The following GRIN2B variants were observed in gnomAD, a reference collection of about 807,000 sequenced individuals.
GRIN2B encodes glutamate receptor ionotropic, NMDA 2B.
Under a neutral mutation model 114.5 loss-of-function variants are expected in GRIN2B, and 5 were observed. The ratio of observed to expected loss-of-function variants is 0.04; its 90% CI spans 0.02 to 0.09. The LOEUF is 0.09. GRIN2B is among the 10% of genes least tolerant of loss of function. The pLI, the probability that GRIN2B is intolerant of heterozygous loss-of-function variation, is 1.00. For synonymous variants in GRIN2B, 787 were observed against 745.1 expected (o/e 1.06, Z -0.92); for missense variants, 1,108 against 1,943.5 (o/e 0.57, Z 8.08).
intron 4 of GRIN2B, among the ~76,000 whole-genome samples, chr12:13,704,120 A>T (rs1950337594): frequency 6.6e-6 from 1 of 152,228 alleles, no homozygotes; most frequent in Non-Finnish European, 1.5e-5. Flanking sequence ...TGAGGCTGGC[A>T]TCTCCAGTTA....
At chr12:13,937,648 ACAAGAAGAAATAAGAT>A (rs1268772868) in intron 2 of GRIN2B, among the ~76,000 whole-genome samples, 2 of 152,198 alleles carry the variant, frequency 1.3e-5, no homozygotes, top group Non-Finnish European at 2.9e-5. Flanking sequence ...ACCCAGATCT[ACAAGAAGAAATAAGAT>A]GTACTGAAAA....
At chr12:13,565,279 G>A (rs1187264125) in intron 13 of GRIN2B, among the ~76,000 whole-genome samples, 1 of 152,066 alleles carries the variant, frequency 6.6e-6, no homozygotes, top group Non-Finnish European at 1.5e-5. Flanking sequence ...GGTCAAAGAA[G>A]GATTTTTCTC....
At chr12:13,783,166 T>C (rs2136657050) in intron 3 of GRIN2B, among the ~76,000 whole-genome samples, 1 of 152,310 alleles carries the variant, frequency 6.6e-6, no homozygotes. Context: ...ACTCAATGTC[T>C]TTACTGAAAA....
At position 13,616,448 on chromosome 12, in the gene GRIN2B, G is replaced by T; in HGVS notation, c.1328+7C>A. On this transcript the variant is annotated splice_region_variant and intron_variant, in intron 6 of 13. Coordinates refer to ENST00000609686, the MANE Select transcript of GRIN2B (RefSeq NM_000834.5). ...TGCCACCCAAAGTCATTGAGAGGAT[G>T]CCATACTCAGTGACTATGCGTTTTT... The T allele has an allele frequency of 6.3e-7, 1 of 1,599,426 alleles. No individual in the cohort carries two copies. Among genetic ancestry groups the T allele is most frequent in the Non-Finnish European group, 8.6e-7 (1 of 1,167,446 alleles).
At chr12:13,833,177 G>C (rs1354798844) in intron 3 of GRIN2B, among the ~76,000 whole-genome samples, 1 of 152,186 alleles carries the variant, frequency 6.6e-6, no homozygotes, top group African/African-American at 2.4e-5. Flanking sequence ...ACTGAAAGTA[G>C]ACAGAGGATG....
intron 3 of GRIN2B, among the ~76,000 whole-genome samples, chr12:13,779,878 C>T (rs1864075301): frequency 6.6e-6 from 1 of 152,168 alleles, no homozygotes; most frequent in Admixed American, 6.5e-5. Flanking sequence ...GAACACACGT[C>T]GCAAGAGTCT....
chr12:13,595,225 T>C (rs1297842886), intron 10 of GRIN2B, among the ~76,000 whole-genome samples: 1 of 152,196 alleles, frequency 6.6e-6, no homozygotes, highest in Non-Finnish European at 1.5e-5. Context: ...CAGGTCTTTT[T>C]CAAACTAATC....
chr12:13,615,394 A>T lies in GRIN2B; in HGVS notation c.1500+99T>A. 7.0e-7 allele frequency: 1 copy of T among 1,420,526 alleles called. No homozygotes were observed. Among genetic ancestry groups the T allele is most frequent in the Non-Finnish European group, 1.0e-6 (1 of 1,003,786 alleles). The allele number at this position is 1,420,526 out of a possible 1,614,324, so 88.0% of individuals were successfully genotyped here. ...CAATACATCTTATTTGCCATTTTATATTTTCTGAAATGCATAAAGTGAGCA... is the reference window on the plus strand; with the variant it reads ...CAATACATCTTATTTGCCATTTTATTTTTTCTGAAATGCATAAAGTGAGCA... On this transcript the variant is annotated intron_variant, in intron 7 of 13. Coordinates refer to ENST00000609686, the MANE Select transcript of GRIN2B (RefSeq NM_000834.5). The surrounding 1 kb of genome is among the most constrained non-coding windows in gnomAD (Gnocchi z 5.8).
chr12:13,743,456 T>C (rs961685055), intron 4 of GRIN2B, among the ~76,000 whole-genome samples: 2 of 151,964 alleles, frequency 1.3e-5, no homozygotes, highest in Admixed American at 1.3e-4. Context: ...TGCACACACA[T>C]ACACACACAC....
chr12:13,644,338 C>T (rs1462631174), intron 5 of GRIN2B, among the ~76,000 whole-genome samples: 1 of 152,054 alleles, frequency 6.6e-6, no homozygotes, highest in African/African-American at 2.4e-5. Context: ...AAGGAATCTC[C>T]TTTTTTGAAC....
chr12:13,682,212 A>T (rs945910691), intron 4 of GRIN2B, among the ~76,000 whole-genome samples: 1 of 152,212 alleles, frequency 6.6e-6, no homozygotes, highest in Non-Finnish European at 1.5e-5. Flanking sequence ...GATTATTACA[A>T]TCTGGTCAAC....
intron 3 of GRIN2B, among the ~76,000 whole-genome samples, chr12:13,766,870 T>C (rs1863800355): frequency 6.6e-6 from 1 of 152,196 alleles, no homozygotes; most frequent in Non-Finnish European, 1.5e-5. Flanking sequence ...TTAATAATTA[T>C]ACACACTGGT....
intron 10 of GRIN2B, among the ~76,000 whole-genome samples, chr12:13,607,417 AT>A (rs1565473877): frequency 2.7e-5 from 2 of 73,642 alleles, no homozygotes; most frequent in African/African-American, 1.1e-4. Flanking sequence ...AAAATATATA[AT>A]ATATATTATA....
In GRIN2B at chr12:13,551,108, A is replaced by T. The variant is rs927664968; in HGVS notation, c.*11675T>A. On this transcript the variant is annotated 3_prime_UTR_variant, in exon 14 of 14. Coordinates refer to ENST00000609686, the MANE Select transcript of GRIN2B (RefSeq NM_000834.5). ...CTTCCTGCCTATGTGAAACCTTGAT[A>T]TTTTTCTTGCTCCTGACCCTGGGAG... 2 of 151,820 alleles carry T rather than the reference A, an allele frequency of 1.3e-5. No individual in the cohort carries two copies. The highest frequency in any genetic ancestry group is 4.8e-5 in the African/African-American group (2 of 41,334). 9.4% of individuals were successfully genotyped at this position (151,820 alleles called of 1,614,324 possible). A position where few individuals can be genotyped will look rare whatever the true frequency, so the allele number is the denominator to read the frequency against.
intron 4 of GRIN2B, among the ~76,000 whole-genome samples, chr12:13,720,333 T>C (rs1950496379): frequency 6.6e-6 from 1 of 152,000 alleles, no homozygotes; most frequent in South Asian, 2.1e-4. Flanking sequence ...CTGTCTACAC[T>C]GGTGCACAGG....
At chr12:13,884,085 A>G (rs190937261) in intron 2 of GRIN2B, among the ~76,000 whole-genome samples, 69 of 152,244 alleles carry the variant, frequency 4.5e-4, no homozygotes, top group African/African-American at 1.6e-3. Flanking sequence ...ACCTTGACAC[A>G]TTTGTCAAAA....
intron 2 of GRIN2B, among the ~76,000 whole-genome samples, chr12:13,911,447 C>T (rs1020742810): frequency 6.6e-6 from 1 of 152,118 alleles, no homozygotes. Context: ...CTGAGCTCAC[C>T]ACTTGGCAAA....
At chr12:13,745,536 C>T (rs1293668604) in intron 4 of GRIN2B, among the ~76,000 whole-genome samples, 2 of 152,186 alleles carry the variant, frequency 1.3e-5, no homozygotes, top group Non-Finnish European at 2.9e-5. Context: ...GCAAAGAGCA[C>T]CGCTCCTGCC....
chr12:13,844,945 T>C (rs1865444216), intron 3 of GRIN2B, among the ~76,000 whole-genome samples: 1 of 152,224 alleles, frequency 6.6e-6, no homozygotes, highest in African/African-American at 2.4e-5. Context: ...TTTCCTTTCC[T>C]TTCTTTCTGG....
Sources: gnomAD v4.1 joint callset for allele counts (sites outside exome capture counted in the v4.1 genomes callset) on GRCh38, gnomAD v4.1.1 for gene constraint, Gnocchi (gnomAD v3.1) non-coding constraint, MANE v1.5 for transcripts, NCBI Gene and HGNC (gene_info 2026-07-23, HGNC 2026-07-21) for gene names.